Variants in CALN1 observed in about 807,000 individuals in gnomAD.
CALN1 encodes calneuron 1, also known as calcium-binding protein 8.
A neutral mutation model predicts 30.6 loss-of-function variants in CALN1; 17 were observed. The observed-to-expected ratio is 0.56, with a 90% confidence interval of 0.38 to 0.83. The LOEUF (loss-of-function observed/expected upper bound fraction) is 0.83, where lower values mean the gene tolerates loss of function less well. Among genes scored for constraint, CALN1 ranks in the 40% least tolerant of loss-of-function variants. The pLI is 0.00. For synonymous variants in CALN1, 156 were observed against 131.4 expected, an observed-to-expected ratio of 1.19 and a Z score of -1.28; for missense variants, 291 against 354.9, an observed-to-expected ratio of 0.82 and a Z score of 1.45.
intron 4 of CALN1, among the ~76,000 whole-genome samples, chr7:72,049,278 G>A (rs1211338526): frequency 1.3e-5 from 2 of 152,104 alleles, no homozygotes; most frequent in Non-Finnish European, 2.9e-5. Context: ...GATAATACAT[G>A]AAACACAGAA....
At chr7:71,924,691 TG>T (rs1795168793) in intron 5 of CALN1, among the ~76,000 whole-genome samples, 1 of 152,178 alleles carries the variant, frequency 6.6e-6, no homozygotes, top group African/African-American at 2.4e-5. Context: ...TGGTTTTCAG[TG>T]GTTTGACTAT....
chr7:72,152,203 G>A (rs926746155), intron 3 of CALN1, among the ~76,000 whole-genome samples: 1 of 151,968 alleles, frequency 6.6e-6, no homozygotes, highest in Admixed American at 6.5e-5. Flanking sequence ...GCCATCCCTG[G>A]TCTATACATT....
At chr7:72,030,710 C>A (rs1299061264) in intron 4 of CALN1, among the ~76,000 whole-genome samples, 1 of 152,104 alleles carries the variant, frequency 6.6e-6, no homozygotes, top group African/African-American at 2.4e-5. Context: ...TGGGCACGCA[C>A]AACGTGGTGG....
chr7:72,236,095 A>T (rs1194415042), intron 3 of CALN1, among the ~76,000 whole-genome samples: 19 of 144,450 alleles, frequency 1.3e-4, no homozygotes, highest in Admixed American at 1.0e-3. Flanking sequence ...AAAAAAAAAA[A>T]GAAAGAAAGA....
intron 1 of CALN1, among the ~76,000 whole-genome samples, chr7:72,437,080 A>C (rs1171080541): frequency 6.6e-6 from 1 of 152,092 alleles, no homozygotes; most frequent in Non-Finnish European, 1.5e-5. Flanking sequence ...TCTCAAAAAA[A>C]AAAAAGGAAC....
intron 2 of CALN1, chr7:72,336,610 G>A (rs932672190): frequency 2.2e-5 from 19 of 850,130 alleles, no homozygotes; most frequent in Non-Finnish European, 2.5e-5. Context: ...CGACAGCCCG[G>A]GGGTTTGGAC....
At chr7:72,247,349 G>A (rs1043528081) in intron 3 of CALN1, among the ~76,000 whole-genome samples, 2 of 139,356 alleles carry the variant, frequency 1.4e-5, no homozygotes, top group South Asian at 2.3e-4. Context: ...CCCGGTTCAC[G>A]CCATTCTCCT....
Position 72,034,102 on chromosome 7 carries a change from C to G in CALN1, c.389-10333G>C, listed in dbSNP as rs545216093. Among the ~76,000 whole-genome samples, 10 of 151,730 alleles carry G rather than the reference C, an allele frequency of 6.6e-5. No homozygotes were observed. The South Asian group carries it at 2.1e-3, about 32-fold the overall frequency. On this transcript the variant is annotated intron_variant, in intron 4 of 6. Transcript: ENST00000395275. ...GGTGCGGTGGCTCACGCCTGTAATC[C>G]CAGCACTTTGGGAGGCCGAGGTGGG... is the stretch of plus-strand genomic sequence containing the variant.
chr7:72,278,668 A>C lies in CALN1; in HGVS notation c.244+18T>G. On this transcript the variant is annotated intron_variant, in intron 3 of 6. Coordinates refer to ENST00000395275, the MANE Select transcript of CALN1 (RefSeq NM_031468.4). ...CCTGGGAGGGGGGCCATCCCCCCAAACAGGGTAGGCTCCTTACCATCGAGC... is the reference window on the plus strand; with the variant it reads ...CCTGGGAGGGGGGCCATCCCCCCAACCAGGGTAGGCTCCTTACCATCGAGC... 6.2e-7 allele frequency: 1 copy of C among 1,600,332 alleles called. No individual in the cohort carries two copies. Among genetic ancestry groups the C allele is most frequent in the Non-Finnish European group, 8.6e-7 (1 of 1,168,824 alleles).
At chr7:72,205,651 A>G (rs994147350) in intron 3 of CALN1, among the ~76,000 whole-genome samples, 4 of 145,322 alleles carry the variant, frequency 2.8e-5, no homozygotes, top group South Asian at 2.2e-4. Flanking sequence ...GCTGGTTTAT[A>G]ACGTTTTCCT....
chr7:72,111,544 A>G (rs1807575946), intron 3 of CALN1, among the ~76,000 whole-genome samples: 1 of 150,986 alleles, frequency 6.6e-6, no homozygotes. Flanking sequence ...TGCAGCCTTG[A>G]GCTCCTGGGC....
chr7:71,950,609 T>G (rs1796640824), intron 5 of CALN1, among the ~76,000 whole-genome samples: 1 of 152,096 alleles, frequency 6.6e-6, no homozygotes, highest in Admixed American at 6.6e-5. Flanking sequence ...CAAGTCCTTC[T>G]TTTGTCCCTA....
At chr7:72,183,951 G>C (rs1789997930) in intron 3 of CALN1, among the ~76,000 whole-genome samples, 1 of 152,032 alleles carries the variant, frequency 6.6e-6, no homozygotes, top group Non-Finnish European at 1.5e-5. Context: ...CAAAGCAGGA[G>C]TAGGGGGAAA....
intron 2 of CALN1, among the ~76,000 whole-genome samples, chr7:72,282,948 TG>T (rs923754308): frequency 1.3e-5 from 2 of 150,222 alleles, no homozygotes; most frequent in Admixed American, 6.7e-5. Flanking sequence ...CAGCTCTACT[TG>T]GGAGGCTGAG....
At chr7:72,250,460 G>A (rs1173325196) in intron 3 of CALN1, among the ~76,000 whole-genome samples, 5 of 152,134 alleles carry the variant, frequency 3.3e-5, no homozygotes, top group Admixed American at 6.5e-5. Context: ...TCCTGCACCC[G>A]TACTCTTAAC....
chr7:72,185,125 G>A (rs576572441), intron 3 of CALN1, among the ~76,000 whole-genome samples: 5 of 152,144 alleles, frequency 3.3e-5, no homozygotes, highest in Admixed American at 3.3e-4. Context: ...TGTTGAATTA[G>A]TGTGAGAAAT....
chr7:72,393,862 G>A (rs1489409584), intron 2 of CALN1, among the ~76,000 whole-genome samples: 1 of 151,204 alleles, frequency 6.6e-6, no homozygotes, highest in African/African-American at 2.4e-5. Context: ...CAATCCCTCT[G>A]CCTCAGCATC....
chr7:72,264,335 T>C (rs960995937), intron 3 of CALN1, among the ~76,000 whole-genome samples: 1 of 152,208 alleles, frequency 6.6e-6, no homozygotes, highest in Non-Finnish European at 1.5e-5. Context: ...CTTTATAGAA[T>C]GAGGTGTTGC....
At chr7:72,352,003 G>T (rs534434059) in intron 2 of CALN1, among the ~76,000 whole-genome samples, 1 of 152,098 alleles carries the variant, frequency 6.6e-6, no homozygotes, top group African/African-American at 2.4e-5. Context: ...TTTAAGCCAG[G>T]TGTGGTGGCT....
Sources: gnomAD v4.1 joint callset for allele counts (sites outside exome capture counted in the v4.1 genomes callset) on GRCh38, gnomAD v4.1.1 for gene constraint, MANE v1.5 for transcripts, NCBI Gene and HGNC (gene_info 2026-07-23, HGNC 2026-07-21) for gene names.